CRYBG3: variants seen among roughly 807,000 people sequenced by gnomAD.
CRYBG3 encodes the protein very large A-kinase anchor protein.
In CRYBG3, 127 loss-of-function variants were observed where a neutral mutation model predicts 244.2. The observed-to-expected ratio is 0.52, with a 90% CI of 0.45 to 0.60. The LOEUF (loss-of-function observed/expected upper bound fraction) is 0.60, where lower values mean the gene tolerates loss of function less well. Ranked by LOEUF, CRYBG3 falls within the 20% of genes least tolerant of loss-of-function variation. CRYBG3 has a pLI of 0.00. For missense variants in CRYBG3, 3,325 were observed against 3,442.5 expected, an observed-to-expected ratio of 0.97 and a Z score of 0.85; for synonymous variants, 1,132 against 1,195.8, an observed-to-expected ratio of 0.95 and a Z score of 1.10.
intron 7 of CRYBG3, among the ~76,000 whole-genome samples, chr3:97,884,540 C>T (rs1477268436): frequency 6.6e-6 from 1 of 152,014 alleles, no homozygotes; most frequent in African/African-American, 2.4e-5. Flanking sequence ...GCAAATTTCA[C>T]TAATATATTT....
intron 15 of CRYBG3, among the ~76,000 whole-genome samples, chr3:97,908,155 C>T (rs2039800796): frequency 6.6e-6 from 1 of 152,068 alleles, no homozygotes. Context: ...CTGAGGAGAG[C>T]TTTACTTCCA....
Position 97,874,041 on chromosome 3 carries a change from T to C in CRYBG3, c.2847T>C (p.Asp949=). ...NISWILPPIH[D]EKISRQMAQN... ...CTTGGATTTTACCACCTATTCATGA[T>C]GAAAAAATCAGTAGGCAAATGGCGC... The change falls in exon 4 of 22, where the codon GAT becomes GAC. Residue 949 remains aspartate, a synonymous_variant. Coordinates refer to ENST00000389622, the MANE Select transcript of CRYBG3 (RefSeq NM_153605.4). The C allele has an allele frequency of 6.5e-7, 1 of 1,535,772 alleles. No homozygotes were observed.
intron 4 of CRYBG3, among the ~76,000 whole-genome samples, chr3:97,878,692 ATTAG>A (rs1194567740): frequency 6.6e-6 from 1 of 152,208 alleles, no homozygotes. Context: ...CATTTAGCTT[ATTAG>A]TTTCATGAAA....
At chr3:97,908,876 C>T (rs1490692315) in intron 15 of CRYBG3, among the ~76,000 whole-genome samples, 9 of 152,146 alleles carry the variant, frequency 5.9e-5, no homozygotes, top group South Asian at 2.1e-4. Flanking sequence ...GATTTTGCAG[C>T]GGCTGGTACT....
chr3:97,926,648 T>C (rs1027553588), intron 17 of CRYBG3, among the ~76,000 whole-genome samples: 3 of 151,998 alleles, frequency 2.0e-5, no homozygotes, highest in Admixed American at 6.6e-5. Context: ...TTACAAATGA[T>C]ATGATTCTAT....
intron 10 of CRYBG3, 33 bp from the exon 11 acceptor site, chr3:97,892,827 A>T (rs768910468): frequency 8.4e-7 from 1 of 1,192,428 alleles, no homozygotes; most frequent in Non-Finnish European, 1.2e-6. Context: ...ATGTGTCTAT[A>T]TTAAAATATA....
At chr3:97,930,203 G>A (rs1246215420) in intron 17 of CRYBG3, among the ~76,000 whole-genome samples, 2 of 152,002 alleles carry the variant, frequency 1.3e-5, no homozygotes, top group Non-Finnish European at 2.9e-5. Flanking sequence ...CTCTTCTCTG[G>A]GGAGAGTGCT....
Position 97,871,978 on chromosome 3 carries a change from G to A in CRYBG3, c.784G>A (p.Asp262Asn). 1 of 1,535,844 alleles carries A rather than the reference G, an allele frequency of 6.5e-7. No homozygotes were observed. The highest frequency in any genetic ancestry group is 8.7e-7 in the Non-Finnish European group (1 of 1,146,740). The change falls in exon 4 of 22, where the codon GAC becomes AAC. Residue 262 changes from aspartate (D) to asparagine (N), a missense_variant. By Grantham distance (23) the Asp-to-Asn change is conservative (BLOSUM62 1). Transcript: ENST00000389622. ...CTTGGACAGAGAAAATGAAAGTTCTGACTCTAGTACAAACAGACACATTGA... is the reference window on the plus strand; with the variant it reads ...CTTGGACAGAGAAAATGAAAGTTCTAACTCTAGTACAAACAGACACATTGA... ...NTLDRENESS[D>N]SSTNRHIDPG...
At chr3:97,941,414 A>G (rs2040229035) in intron 20 of CRYBG3, 108 bp downstream of exon 20, 1 of 728,112 alleles carries the variant, frequency 1.4e-6, no homozygotes, top group Non-Finnish European at 2.2e-6. Context: ...AACTTCTTAG[A>G]AACAGGTGTT....
chr3:97,898,534 A>G (rs1025700426), intron 12 of CRYBG3, among the ~76,000 whole-genome samples: 1 of 152,140 alleles, frequency 6.6e-6, no homozygotes. Flanking sequence ...ACAGTACACT[A>G]TTTACTTTTG....
At position 97,873,007 on chromosome 3, in the gene CRYBG3, A is replaced by C. The variant is rs1201949543; in HGVS notation, c.1813A>C (p.Asn605His). The C allele has an allele frequency of 1.3e-6, 2 of 1,535,868 alleles. No homozygotes were observed. The highest frequency in any genetic ancestry group is 2.7e-5 in the African/African-American group (2 of 73,152). The change falls in exon 4 of 22, where the codon AAT becomes CAT. Residue 605 changes from asparagine to histidine, a missense_variant. By Grantham distance (68) the Asn-to-His change is moderately conservative. Transcript: ENST00000389622. ...SESAVVASLG[N>H]ENAPELKFEL... ...ATCAGCAGTTGTAGCAAGCTTAGGA[A>C]ATGAAAATGCACCTGAGTTGAAATT...
In CRYBG3 at chr3:97,944,187, C is replaced by T. The variant is rs933489436; in HGVS notation, c.*873C>T. 6.6e-6 allele frequency: 1 copy of T among 151,484 alleles called. No individual in the cohort carries two copies. The highest frequency in any genetic ancestry group is 2.4e-5 in the African/African-American group (1 of 41,268). The allele number at this position is 151,484 out of a possible 1,614,324, so 9.4% of individuals were successfully genotyped here. ...AGTAGCATTTGAACCTTGACCTTAC[C>T]ATCTCTTTAAGTAAACGTGGAGTTG... On this transcript the variant is annotated 3_prime_UTR_variant, in exon 22 of 22. Coordinates refer to ENST00000389622, the MANE Select transcript of CRYBG3 (RefSeq NM_153605.4).
At chr3:97,915,575 C>T (rs780240776) in intron 16 of CRYBG3, 35 bp from the exon 17 acceptor site, 2 of 1,585,134 alleles carry the variant, frequency 1.3e-6, no homozygotes, top group East Asian at 2.3e-5. Context: ...CAAGTGAATG[C>T]AATTTGATTG....
chr3:97,873,133 T>A lies in CRYBG3; in HGVS notation c.1939T>A (p.Cys647Ser), dbSNP rs1203457384. Residue 647 changes from cysteine (C) to serine (S), a missense_variant, in exon 4 of 22, where the codon TGT (cysteine) becomes AGT (serine). Around this residue, in one of 4 missense-constraint regions of CRYBG3, gnomAD observed 1,526 missense variants for 1,443.2 expected, o/e 1.06. Transcript: ENST00000389622. ...TGCTAAAACATCTCTTAGCCTTGAC[T>A]GTAAAAAACTAAATTTCAGTATTTC... ...PDAKTSLSLD[C>S]KKLNFSISPP... is the part of the protein sequence containing the mutation. 1 of 1,535,834 alleles carries A rather than the reference T, an allele frequency of 6.5e-7. No homozygotes were observed. The highest frequency in any genetic ancestry group is 1.4e-5 in the African/African-American group (1 of 73,158).
In CRYBG3 at chr3:97,850,766, A is replaced by T. The variant is rs150617531; in HGVS notation, c.216+7505A>T. 7.9e-5 allele frequency among the ~76,000 whole-genome samples: 12 copies of T among 152,334 alleles called. 1 individual carries two copies. Among genetic ancestry groups the T allele is most frequent in the African/African-American group, 2.6e-4 (11 of 41,592 alleles). On this transcript the variant is annotated intron_variant, in intron 2 of 21. Coordinates refer to ENST00000389622, the MANE Select transcript of CRYBG3 (RefSeq NM_153605.4). ...TGTAAAATCCATTTATTGAAAAATA[A>T]TGACATGAATATATATCAGTACTCA...
chr3:97,854,929 C>T (rs1435961676), intron 2 of CRYBG3, among the ~76,000 whole-genome samples: 5 of 152,020 alleles, frequency 3.3e-5, no homozygotes, highest in Non-Finnish European at 2.9e-5. Flanking sequence ...TATCTTGTTC[C>T]AGATCTTAGC....
chr3:97,845,759 C>T (rs1169298026), intron 2 of CRYBG3, among the ~76,000 whole-genome samples: 1 of 152,222 alleles, frequency 6.6e-6, no homozygotes, highest in African/African-American at 2.4e-5. Flanking sequence ...ACTACTATCC[C>T]TCCATCTTCA....
intron 17 of CRYBG3, among the ~76,000 whole-genome samples, chr3:97,926,043 T>C (rs1431705335): frequency 2.0e-5 from 3 of 151,874 alleles, no homozygotes; most frequent in African/African-American, 7.2e-5. Flanking sequence ...TGAGTGACCC[T>C]GGGCGTGTTT....
intron 17 of CRYBG3, among the ~76,000 whole-genome samples, chr3:97,921,851 G>T (rs1025403151): frequency 5.9e-5 from 9 of 152,120 alleles, no homozygotes; most frequent in African/African-American, 2.2e-4. Context: ...ATTTCCATGG[G>T]AGCAGTAGTT....
Sources: allele counts gnomAD v4.1 joint callset (sites outside exome capture counted in the v4.1 genomes callset), GRCh38; gene constraint gnomAD v4.1.1; regional missense constraint gnomAD v4.1.1; transcripts MANE v1.5; gene names NCBI Gene and HGNC (gene_info 2026-07-23, HGNC 2026-07-21).